Variants in HIBADH observed in about 807,000 individuals in gnomAD.
The protein encoded by HIBADH is 3-hydroxyisobutyrate dehydrogenase, mitochondrial.
A neutral mutation model predicts 36.1 loss-of-function variants in HIBADH; 25 were observed. The ratio of observed to expected loss-of-function variants is 0.69; its 90% CI spans 0.50 to 0.97. HIBADH has a LOEUF of 0.97. Among genes scored for constraint, HIBADH ranks in the 50% least tolerant of loss-of-function variants. The pLI is 0.00. For missense variants in HIBADH, 421 were observed against 418.0 expected (o/e 1.01, Z -0.06); for synonymous variants, 160 against 149.5 (o/e 1.07, Z -0.51).
Position 27,527,917 on chromosome 7 carries a change from C to CTTTTT in HIBADH, c.853-1546_853-1545insAAAAA, listed in dbSNP as rs1562609863. ...AGGCATTTGCCACCACCACACCCAG[C>CTTTTT]GTTTTTTTTTTTTTTTTTTTTTTTT... On this transcript the variant is annotated intron_variant, in intron 7 of 7. Transcript: ENST00000265395. Among the ~76,000 whole-genome samples, 217 of 77,020 alleles carry CTTTTT rather than the reference C, an allele frequency of 2.8e-3. 69 individuals are homozygous for CTTTTT. Among genetic ancestry groups the CTTTTT allele is most frequent in the African/African-American group, 7.5e-3 (138 of 18,312 alleles). 50.5% of individuals were successfully genotyped at this position (77,020 alleles called of 152,430 possible). A position where few individuals can be genotyped will look rare whatever the true frequency, so the allele number is the denominator to read the frequency against.
Position 27,525,571 on chromosome 7 carries a change from A to T in HIBADH, c.*643T>A, listed in dbSNP as rs1191465741. The T allele has an allele frequency of 6.6e-6, 1 of 152,100 alleles. No individual in the cohort carries two copies. The highest frequency in any genetic ancestry group is 1.9e-4 in the East Asian group (1 of 5,204). The allele number at this position is 152,100 out of a possible 1,614,324, so 9.4% of individuals were successfully genotyped here. ...AAAGATGTCATTCTTAAGTCAAAAA[A>T]TACGTAGTAAGAATGAACAAGAAAG... On this transcript the variant is annotated 3_prime_UTR_variant, in exon 8 of 8. Transcript: ENST00000265395.
intron 4 of HIBADH, among the ~76,000 whole-genome samples, chr7:27,555,640 C>A (rs1362584631): frequency 6.6e-6 from 1 of 152,086 alleles, no homozygotes; most frequent in African/African-American, 2.4e-5. Context: ...CCATTACCCA[C>A]TTATGGCAGC....
intron 4 of HIBADH, among the ~76,000 whole-genome samples, chr7:27,619,715 G>C (rs1265875013): frequency 6.6e-6 from 1 of 152,090 alleles, no homozygotes; most frequent in African/African-American, 2.4e-5. Flanking sequence ...ACAAGGAGAA[G>C]ATAAAAAGCT....
In HIBADH at chr7:27,649,499, T is replaced by C. The variant is rs368162784; in HGVS notation, c.226A>G (p.Lys76Glu). ...IIYDVFPDACKEFQDAGEQVV... is the reference protein window; with the variant it reads ...IIYDVFPDACEEFQDAGEQVV... ...TGTTCACCTGCATCTTGAAACTCTT[T>C]GCAGGCATCAGGGAACACATCATAA... The change falls in exon 2 of 8, where the codon AAA becomes GAA. Residue 76 changes from lysine (K) to glutamate (E), a missense_variant. Physicochemically the swap from Lys to Glu is moderately conservative, Grantham distance 56 (BLOSUM62 1). Coordinates refer to ENST00000265395, the MANE Select transcript of HIBADH (RefSeq NM_152740.4). The C allele has an allele frequency of 1.9e-6, 3 of 1,613,080 alleles. No individual in the cohort carries two copies. The highest frequency in any genetic ancestry group is 1.1e-5 in the South Asian group (1 of 90,742).
Position 27,525,930 on chromosome 7 carries a change from T to C in HIBADH, c.*284A>G, listed in dbSNP as rs1350917327. On this transcript the variant is annotated 3_prime_UTR_variant, in exon 8 of 8. Transcript: ENST00000265395. ...AGCAGATAATATCCTGATTGAAGTA[T>C]TCAATGATTTAGTTGAGGATGCTTG... is the stretch of plus-strand genomic sequence containing the variant. 3 of 204,434 alleles carry C rather than the reference T, an allele frequency of 1.5e-5. No homozygotes were observed. The highest frequency in any genetic ancestry group is 1.2e-4 in the Admixed American group (2 of 16,958). 12.7% of individuals were successfully genotyped at this position (204,434 alleles called of 1,614,324 possible).
At chr7:27,637,763 C>CA (rs1423672682) in intron 2 of HIBADH, among the ~76,000 whole-genome samples, 1 of 152,016 alleles carries the variant, frequency 6.6e-6, no homozygotes, top group Non-Finnish European at 1.5e-5. Context: ...AATCAATGCG[C>CA]AAAAATAACT....
intron 4 of HIBADH, among the ~76,000 whole-genome samples, chr7:27,610,803 C>T (rs965878257): frequency 1.4e-4 from 21 of 152,250 alleles, no homozygotes; most frequent in African/African-American, 4.6e-4. Flanking sequence ...CCAAAAGACC[C>T]TTAACTATAA....
chr7:27,643,957 G>T (rs1032378759), intron 2 of HIBADH, among the ~76,000 whole-genome samples: 1 of 152,152 alleles, frequency 6.6e-6, no homozygotes, highest in Non-Finnish European at 1.5e-5. Context: ...CTAAATCCAC[G>T]ATGATCTCAT....
chr7:27,596,393 TA>T (rs1388742206), intron 4 of HIBADH, among the ~76,000 whole-genome samples: 1 of 152,238 alleles, frequency 6.6e-6, no homozygotes, highest in East Asian at 1.9e-4. Context: ...ATTAAGTTTC[TA>T]ACACATGAAT....
rs1287204738 is a variant in HIBADH, at chr7:27,599,269, G to T, written c.484+30102C>A. On this transcript the variant is annotated intron_variant, in intron 4 of 7. Transcript: ENST00000265395. Reference sequence around the variant, plus strand: ...GTTGAACTTAAAGAAGGATTAAAATGAAAGAACATTTTTTAAAGGAATTTC... The same window carrying T: ...GTTGAACTTAAAGAAGGATTAAAATTAAAGAACATTTTTTAAAGGAATTTC... 2.0e-5 allele frequency among the ~76,000 whole-genome samples: 3 copies of T among 152,150 alleles called. No homozygotes were observed. The East Asian group carries it at 5.8e-4, about 29-fold the overall frequency.
At chr7:27,549,268 T>C (rs937316839) in intron 4 of HIBADH, among the ~76,000 whole-genome samples, 6 of 152,202 alleles carry the variant, frequency 3.9e-5, no homozygotes, top group African/African-American at 1.4e-4. Context: ...GAGTAGATTT[T>C]AAGTGCTTTT....
At chr7:27,646,032 A>G (rs1399316010) in intron 2 of HIBADH, among the ~76,000 whole-genome samples, 1 of 152,198 alleles carries the variant, frequency 6.6e-6, no homozygotes, top group East Asian at 1.9e-4. Context: ...CGCCAAATCC[A>G]AAGTCATAAA....
intron 4 of HIBADH, among the ~76,000 whole-genome samples, chr7:27,620,695 A>G (rs886814682): frequency 6.6e-6 from 1 of 152,190 alleles, no homozygotes. Context: ...ACCATCATGA[A>G]AACACATGAA....
chr7:27,586,615 T>TGAAGGGGAAGGG (rs112490146), intron 4 of HIBADH, among the ~76,000 whole-genome samples: 173 of 150,354 alleles, frequency 1.2e-3, no homozygotes, highest in African/African-American at 3.4e-3. Flanking sequence ...TGACCAGAAA[T>TGAAGGGGAAGGG]GAAGGGGAAG....
chr7:27,636,573 C>G (rs767129097), intron 2 of HIBADH, among the ~76,000 whole-genome samples: 2 of 152,192 alleles, frequency 1.3e-5, no homozygotes, highest in Non-Finnish European at 2.9e-5. Context: ...CAAACATGTT[C>G]AGCCTTACAA....
chr7:27,555,284 G>A (rs1338326696), intron 4 of HIBADH, among the ~76,000 whole-genome samples: 5 of 146,912 alleles, frequency 3.4e-5, no homozygotes, highest in Non-Finnish European at 7.4e-5. Context: ...CACAGCAAAA[G>A]GAACATTTCT....
intron 2 of HIBADH, among the ~76,000 whole-genome samples, chr7:27,640,892 T>C (rs1785949058): frequency 6.6e-6 from 1 of 152,158 alleles, no homozygotes; most frequent in African/African-American, 2.4e-5. Context: ...TCTATTATAA[T>C]CCTATGGGAC....
chr7:27,651,286 C>A (rs1786189674), intron 1 of HIBADH, among the ~76,000 whole-genome samples: 1 of 152,168 alleles, frequency 6.6e-6, no homozygotes, highest in Non-Finnish European at 1.5e-5. Flanking sequence ...CTGACTCTAA[C>A]ACTTCCATTA....
intron 4 of HIBADH, among the ~76,000 whole-genome samples, chr7:27,569,875 C>T (rs1044871255): frequency 6.6e-6 from 1 of 152,176 alleles, no homozygotes; most frequent in African/African-American, 2.4e-5. Context: ...GCTGCTGCCA[C>T]CACAAAACTG....
Sources: allele counts gnomAD v4.1 joint callset (sites outside exome capture counted in the v4.1 genomes callset), GRCh38; gene constraint gnomAD v4.1.1; transcripts MANE v1.5; gene names NCBI Gene and HGNC (gene_info 2026-07-23, HGNC 2026-07-21).